CRIM1: variants seen among roughly 807,000 people sequenced by gnomAD.
CRIM1 encodes cysteine rich transmembrane BMP regulator 1, also known as cysteine-rich motor neuron 1 protein.
Under a neutral mutation model 116.4 loss-of-function variants are expected in CRIM1, and 32 were observed. The observed-to-expected ratio is 0.27, with a 90% CI of 0.21 to 0.37. The LOEUF is 0.37. Among genes scored for constraint, CRIM1 ranks in the 10% least tolerant of loss-of-function variants. The pLI, the probability that CRIM1 is intolerant of heterozygous loss-of-function variation, is 1.00. For missense variants in CRIM1, 1,331 were observed against 1,354.8 expected, an observed-to-expected ratio of 0.98 and a Z score of 0.28; for synonymous variants, 590 against 509.2, an observed-to-expected ratio of 1.16 and a Z score of -2.13.
chr2:36,432,534 G>A (rs183792104), intron 2 of CRIM1, among the ~76,000 whole-genome samples: 2 of 152,084 alleles, frequency 1.3e-5, no homozygotes, highest in East Asian at 1.9e-4. Context: ...TTTGGCATCC[G>A]GCTCTCCCAC....
intron 13 of CRIM1, 82 bp downstream of exon 13, chr2:36,522,395 A>C: frequency 1.8e-6 from 2 of 1,135,824 alleles, no homozygotes; most frequent in East Asian, 2.4e-5. Context: ...AGATCAATTA[A>C]TATTTTTGAA....
chr2:36,429,082 T>C (rs1674674877), intron 2 of CRIM1, among the ~76,000 whole-genome samples: 1 of 152,186 alleles, frequency 6.6e-6, no homozygotes, highest in Admixed American at 6.5e-5. Context: ...ACCGTAGGGA[T>C]TGAATGGGCA....
intron 13 of CRIM1, among the ~76,000 whole-genome samples, chr2:36,522,583 C>G (rs1466409816): frequency 2.6e-5 from 4 of 152,134 alleles, no homozygotes; most frequent in Non-Finnish European, 5.9e-5. Context: ...AGACGGATCA[C>G]TTGAGGTCAG....
At chr2:36,539,147 G>T (rs969692816) in intron 14 of CRIM1, among the ~76,000 whole-genome samples, 1 of 152,150 alleles carries the variant, frequency 6.6e-6, no homozygotes, top group African/African-American at 2.4e-5. Flanking sequence ...AGAGAGGCTG[G>T]GGAGAAGTGG....
At chr2:36,441,201 G>C in intron 2 of CRIM1, 57 bp from the exon 3 acceptor site, 1 of 1,605,960 alleles carries the variant, frequency 6.2e-7, no homozygotes, top group South Asian at 1.1e-5. Context: ...TTGTTCTTCT[G>C]TTGAAAGTGC....
chr2:36,386,812 C>G (rs1028339874), intron 1 of CRIM1, among the ~76,000 whole-genome samples: 4 of 152,018 alleles, frequency 2.6e-5, no homozygotes, highest in Admixed American at 2.6e-4. Flanking sequence ...TAATTCAGTC[C>G]CTATAGAGTG....
In CRIM1 at chr2:36,508,787, C is replaced by T. The variant is rs913943832; in HGVS notation, c.1502-1196C>T. 5.3e-5 allele frequency among the ~76,000 whole-genome samples: 8 copies of T among 152,118 alleles called. 1 individual carries two copies. Among genetic ancestry groups the T allele is most frequent in the Admixed American group, 1.3e-4 (2 of 15,270 alleles). On this transcript the variant is annotated intron_variant, in intron 8 of 16. Transcript: ENST00000280527. ...AACCTTTTAAAATCATTTTAGAAGA[C>T]TTCTATTAGGCTAATAACTTCAGTA...
intron 1 of CRIM1, among the ~76,000 whole-genome samples, chr2:36,360,532 A>G (rs1332840549): frequency 6.6e-6 from 1 of 152,180 alleles, no homozygotes; most frequent in East Asian, 1.9e-4. Flanking sequence ...GCAGTGTGTA[A>G]GAGAACTATG....
chr2:36,374,194 T>C (rs1670145386), intron 1 of CRIM1, among the ~76,000 whole-genome samples: 1 of 152,198 alleles, frequency 6.6e-6, no homozygotes, highest in Non-Finnish European at 1.5e-5. Flanking sequence ...GGAAGAGGCC[T>C]TGCCTCGTGA....
At chr2:36,452,489 C>T (rs1185948325) in intron 4 of CRIM1, among the ~76,000 whole-genome samples, 2 of 152,148 alleles carry the variant, frequency 1.3e-5, no homozygotes, top group Non-Finnish European at 2.9e-5. Flanking sequence ...ATATTAAACT[C>T]TGATGTTTTT....
At chr2:36,480,143 C>T (rs1054966389) in intron 7 of CRIM1, among the ~76,000 whole-genome samples, 12 of 152,166 alleles carry the variant, frequency 7.9e-5, no homozygotes, top group African/African-American at 2.2e-4. Flanking sequence ...GTGCCGTCAC[C>T]GAGTATCTGT....
At chr2:36,507,225 A>G (rs1242833863) in intron 8 of CRIM1, among the ~76,000 whole-genome samples, 1 of 152,222 alleles carries the variant, frequency 6.6e-6, no homozygotes, top group Non-Finnish European at 1.5e-5. Context: ...TAATTGACAT[A>G]TGTGGATTTA....
chr2:36,435,352 G>A (rs567000557), intron 2 of CRIM1, among the ~76,000 whole-genome samples: 1 of 152,112 alleles, frequency 6.6e-6, no homozygotes, highest in African/African-American at 2.4e-5. Flanking sequence ...GTGTGTGTGA[G>A]TGAGAGAGAG....
intron 4 of CRIM1, among the ~76,000 whole-genome samples, chr2:36,461,801 A>C (rs1408705479): frequency 6.6e-6 from 1 of 152,210 alleles, no homozygotes; most frequent in Non-Finnish European, 1.5e-5. Context: ...TTATGTTGAA[A>C]ATAAGGAATT....
chr2:36,496,032 A>G (rs754330872), intron 7 of CRIM1, among the ~76,000 whole-genome samples: 1 of 152,176 alleles, frequency 6.6e-6, no homozygotes. Flanking sequence ...GATGACTTCA[A>G]TTGAAATGCC....
intron 13 of CRIM1, among the ~76,000 whole-genome samples, chr2:36,522,862 C>G (rs10490671): frequency 6.6e-6 from 1 of 150,660 alleles, no homozygotes; most frequent in Admixed American, 6.6e-5. Flanking sequence ...GAATGTCATA[C>G]TGTTACAGCA....
intron 7 of CRIM1, among the ~76,000 whole-genome samples, chr2:36,497,125 C>T (rs1680657175): frequency 6.6e-6 from 1 of 152,152 alleles, no homozygotes; most frequent in African/African-American, 2.4e-5. Context: ...AAAATTTTCT[C>T]ATAAATTTCA....
Position 36,517,441 on chromosome 2 carries a change from C to A in CRIM1, c.2105C>A (p.Thr702Asn). ...AACATTGACTCCTGTACTCAGTGCA[C>A]CTGCCACAGCGGACGGGTGCTGTGT... Reference protein sequence around the residue: ...TWNIDSCTQCTCHSGRVLCET... With the variant: ...TWNIDSCTQCNCHSGRVLCET... Residue 702 changes from threonine to asparagine, a missense_variant, in exon 12 of 17, where the codon ACC (threonine) becomes AAC (asparagine). Physicochemically the swap from Thr to Asn is moderately conservative, Grantham distance 65 (BLOSUM62 0). Transcript: ENST00000280527. The A allele has an allele frequency of 1.2e-6, 2 of 1,614,246 alleles. No individual in the cohort carries two copies. The highest frequency in any genetic ancestry group is 1.7e-6 in the Non-Finnish European group (2 of 1,180,042).
rs898412346 is a variant in CRIM1 at position 36,536,568 on chromosome 2, C to G, written c.2429-784C>G. On this transcript the variant is annotated intron_variant, in intron 13 of 16. Coordinates refer to ENST00000280527, the MANE Select transcript of CRIM1 (RefSeq NM_016441.3). ...TCACTCTGAACCACATTCTTGTGTGCTAGAGGGAAATTTCTGTGTGTGAAA... is the reference window on the plus strand; with the variant it reads ...TCACTCTGAACCACATTCTTGTGTGGTAGAGGGAAATTTCTGTGTGTGAAA... Among the ~76,000 whole-genome samples, 3 of 152,092 alleles carry G rather than the reference C, an allele frequency of 2.0e-5. No homozygotes were observed. The South Asian group carries it at 6.2e-4, about 32-fold the overall frequency.
Sources: gnomAD v4.1 joint callset for allele counts (sites outside exome capture counted in the v4.1 genomes callset) on GRCh38, gnomAD v4.1.1 for gene constraint, MANE v1.5 for transcripts, NCBI Gene and HGNC (gene_info 2026-07-23, HGNC 2026-07-21) for gene names.